The following TTC7B variants were observed in gnomAD, a reference collection of about 807,000 sequenced individuals.
TTC7B encodes the protein tetratricopeptide repeat domain 7B, also known as tetratricopeptide repeat protein 7B.
In TTC7B, 28 loss-of-function variants were observed where a neutral mutation model predicts 106.8. The ratio of observed to expected loss-of-function variants is 0.26; its 90% CI spans 0.19 to 0.36. The LOEUF (loss-of-function observed/expected upper bound fraction) is 0.36, where lower values mean the gene tolerates loss of function less well. TTC7B is among the 10% of genes least tolerant of loss of function. TTC7B has a pLI of 1.00. For missense variants in TTC7B, 862 were observed against 1,076.4 expected (o/e 0.80, Z 2.79); for synonymous variants, 405 against 430.6 (o/e 0.94, Z 0.74).
chr14:90,762,721 C>T (rs1890541405), intron 3 of TTC7B, among the ~76,000 whole-genome samples: 2 of 152,214 alleles, frequency 1.3e-5, no homozygotes, highest in Admixed American at 6.5e-5. Flanking sequence ...AGAGACTACT[C>T]CTCAAAGCCA....
intron 9 of TTC7B, among the ~76,000 whole-genome samples, chr14:90,658,893 C>T (rs1186350237): frequency 6.6e-6 from 1 of 152,228 alleles, no homozygotes; most frequent in Admixed American, 6.5e-5. Context: ...TACAAACGGA[C>T]TTCCCTCTCA....
Position 90,608,143 on chromosome 14 carries a change from C to T in TTC7B, c.1966+2599G>A, listed in dbSNP as rs1566795822. On this transcript the variant is annotated intron_variant, in intron 17 of 19. Coordinates refer to ENST00000328459, the MANE Select transcript of TTC7B (RefSeq NM_001010854.2). The surrounding 1 kb of genome is among the most constrained non-coding windows in gnomAD (Gnocchi z 5.1). ...GACAGCATCTGCCCCTTCTTGACTG[C>T]ACCATGAGCTGAACCATATGCAACT... 1.3e-5 allele frequency among the ~76,000 whole-genome samples: 2 copies of T among 152,212 alleles called. No individual in the cohort carries two copies. The highest frequency in any genetic ancestry group is 2.9e-5 in the Non-Finnish European group (2 of 68,042).
At chr14:90,543,660 C>T (rs1206982060) in intron 19 of TTC7B, among the ~76,000 whole-genome samples, 2 of 152,232 alleles carry the variant, frequency 1.3e-5, no homozygotes, top group East Asian at 1.9e-4. Flanking sequence ...AGTCAAATTG[C>T]ACTTGCATTA....
Position 90,600,466 on chromosome 14 carries a change from C to T in TTC7B, c.1967-6840G>A, listed in dbSNP as rs1397241579. Among the ~76,000 whole-genome samples, 3 of 152,196 alleles carry T rather than the reference C, an allele frequency of 2.0e-5. No homozygotes were observed. The highest frequency in any genetic ancestry group is 4.4e-5 in the Non-Finnish European group (3 of 68,038). ...TGGGTTCCTCTGATAAATAAATCACCTTGGTCACCATTCTAGTAGACACTT... is the reference window on the plus strand; with the variant it reads ...TGGGTTCCTCTGATAAATAAATCACTTTGGTCACCATTCTAGTAGACACTT... On this transcript the variant is annotated intron_variant, in intron 17 of 19. Transcript: ENST00000328459. This position sits in a 1 kb window ranked among gnomAD's most constrained non-coding sequence, Gnocchi z 4.3.
intron 1 of TTC7B, among the ~76,000 whole-genome samples, chr14:90,793,369 C>T (rs921826122): frequency 4.0e-5 from 6 of 151,760 alleles, no homozygotes; most frequent in African/African-American, 1.5e-4. Context: ...ACTAAAAATA[C>T]AAAAATTAGC....
At chr14:90,800,210 A>T (rs1196109769) in intron 1 of TTC7B, among the ~76,000 whole-genome samples, 1 of 152,100 alleles carries the variant, frequency 6.6e-6, no homozygotes, top group Admixed American at 6.6e-5. Context: ...AAGGCTACAA[A>T]TGGTTAGGAG....
At chr14:90,580,281 T>C (rs1454857358) in intron 18 of TTC7B, among the ~76,000 whole-genome samples, 1 of 152,230 alleles carries the variant, frequency 6.6e-6, no homozygotes, top group Admixed American at 6.5e-5. Flanking sequence ...ATTAAACATG[T>C]GCTTTGTACC....
rs904690430 is a variant in TTC7B, at chr14:90,802,426, G to A, written c.121+13749C>T. On this transcript the variant is annotated intron_variant, in intron 1 of 19. Transcript: ENST00000328459. This position sits in a 1 kb window ranked among gnomAD's most constrained non-coding sequence, Gnocchi z 4.7. ...AGGGATTCTGAGCACAGGTGAAGGA[G>A]CCGCTGGCCTCTGAAGGGAGTGAGG... is the stretch of plus-strand genomic sequence containing the variant. Among the ~76,000 whole-genome samples the A allele has an allele frequency of 6.6e-6, 1 of 152,102 alleles. No homozygotes were observed. Among genetic ancestry groups the A allele is most frequent in the Non-Finnish European group, 1.5e-5 (1 of 68,030 alleles).
At chr14:90,733,177 C>A (rs1307158901) in intron 4 of TTC7B, among the ~76,000 whole-genome samples, 2 of 152,142 alleles carry the variant, frequency 1.3e-5, no homozygotes, top group Non-Finnish European at 2.9e-5. Context: ...GTGTCTTAGG[C>A]ACCATGTGGG....
chr14:90,709,926 C>A (rs1888371091), intron 5 of TTC7B, among the ~76,000 whole-genome samples: 2 of 132,126 alleles, frequency 1.5e-5, no homozygotes. Flanking sequence ...AGTGCAATTT[C>A]ATGTGCATTT....
Position 90,624,874 on chromosome 14 carries a change from T to G in TTC7B, c.1752-6829A>C, listed in dbSNP as rs560742098. 3.2e-4 allele frequency among the ~76,000 whole-genome samples: 49 copies of G among 152,370 alleles called. No homozygotes were observed. Among genetic ancestry groups the G allele is most frequent in the Non-Finnish European group, 6.3e-4 (43 of 68,032 alleles). ...TCTGTGTTTGCGAGCTCCTGGGCTCTGCATGCCAGGGACCTGCTCTTTCTT... is the reference window on the plus strand; with the variant it reads ...TCTGTGTTTGCGAGCTCCTGGGCTCGGCATGCCAGGGACCTGCTCTTTCTT... On this transcript the variant is annotated intron_variant, in intron 15 of 19. Transcript: ENST00000328459. The surrounding 1 kb of genome is among the most constrained non-coding windows in gnomAD (Gnocchi z 4.0).
intron 5 of TTC7B, chr14:90,698,198 G>A (rs953891128): frequency 3.3e-5 from 5 of 152,112 alleles, no homozygotes; most frequent in African/African-American, 9.7e-5. Flanking sequence ...CGCTTCCACT[G>A]TTGCCATGAG....
At chr14:90,719,561 A>C (rs929858000) in intron 5 of TTC7B, among the ~76,000 whole-genome samples, 1 of 152,200 alleles carries the variant, frequency 6.6e-6, no homozygotes, top group Non-Finnish European at 1.5e-5. Context: ...GGCAGATGGC[A>C]AACCTACCCA....
intron 13 of TTC7B, among the ~76,000 whole-genome samples, chr14:90,652,134 T>A (rs1885745857): frequency 6.6e-6 from 1 of 152,206 alleles, no homozygotes; most frequent in Non-Finnish European, 1.5e-5. Flanking sequence ...CAGGAGACCC[T>A]GACTGCATAC....
chr14:90,664,706 G>T (rs532951425), intron 9 of TTC7B, among the ~76,000 whole-genome samples: 3 of 152,230 alleles, frequency 2.0e-5, no homozygotes, highest in African/African-American at 7.2e-5. Flanking sequence ...CTCGCAGGGC[G>T]TGAGGACAAA....
At position 90,742,633 on chromosome 14, in the gene TTC7B, C is replaced by T. The variant is rs374073655; in HGVS notation, c.576+2159G>A. ...TAGTTTTGGCCTAACTTTCTGTGTG[C>T]CTGGGCTCTCCCTTTCTAGACCTCA... On this transcript the variant is annotated intron_variant, in intron 4 of 19. Coordinates refer to ENST00000328459, the MANE Select transcript of TTC7B (RefSeq NM_001010854.2). This position sits in a 1 kb window ranked among gnomAD's most constrained non-coding sequence, Gnocchi z 4.1. Among the ~76,000 whole-genome samples the T allele has an allele frequency of 6.6e-6, 1 of 152,158 alleles. No individual in the cohort carries two copies. Among genetic ancestry groups the T allele is most frequent in the African/African-American group, 2.4e-5 (1 of 41,438 alleles).
Position 90,663,309 on chromosome 14 carries a change from C to T in TTC7B, c.1153-4922G>A, listed in dbSNP as rs1566825166. On this transcript the variant is annotated intron_variant, in intron 9 of 19. Transcript: ENST00000328459. This position sits in a 1 kb window ranked among gnomAD's most constrained non-coding sequence, Gnocchi z 4.5. ...GAGCTCTTCACCACAACACTACTGC[C>T]TCTGAAACTTTAATTATATTGTGCC... Among the ~76,000 whole-genome samples, 1 of 152,190 alleles carries T rather than the reference C, an allele frequency of 6.6e-6. No homozygotes were observed. The highest frequency in any genetic ancestry group is 1.5e-5 in the Non-Finnish European group (1 of 68,038).
chr14:90,661,046 C>T (rs2139904725), intron 9 of TTC7B, among the ~76,000 whole-genome samples: 1 of 152,318 alleles, frequency 6.6e-6, no homozygotes, highest in Middle Eastern at 3.4e-3. Context: ...CCAGCACACA[C>T]TTTGCCCTCA....
chr14:90,722,635 C>T (rs920549901), intron 5 of TTC7B, among the ~76,000 whole-genome samples: 2 of 152,230 alleles, frequency 1.3e-5, no homozygotes, highest in Non-Finnish European at 2.9e-5. Flanking sequence ...CCTGTATCAT[C>T]TGCTCCTCAA....
Sources: allele counts gnomAD v4.1 joint callset (sites outside exome capture counted in the v4.1 genomes callset), GRCh38; gene constraint gnomAD v4.1.1; non-coding constraint Gnocchi (gnomAD v3.1); transcripts MANE v1.5; gene names NCBI Gene and HGNC (gene_info 2026-07-23, HGNC 2026-07-21).